EFNA5: variants seen among roughly 807,000 people sequenced by gnomAD.
The protein encoded by EFNA5 is ephrin-A5.
EFNA5 carries 5 observed loss-of-function variants against 22.9 expected under a neutral mutation model. That is an observed-to-expected ratio of 0.22 (90% CI 0.11 to 0.46). EFNA5 has a LOEUF of 0.46. EFNA5 is among the 20% of genes least tolerant of loss of function. The probability of loss-of-function intolerance (pLI) is 0.99; values close to 1 mark genes in which losing one functional copy is unlikely to be tolerated. For missense variants in EFNA5, 237 were observed against 293.3 expected (o/e 0.81, Z 1.40); for synonymous variants, 113 against 112.2 (o/e 1.01, Z -0.04).
intron 1 of EFNA5, among the ~76,000 whole-genome samples, chr5:107,484,488 T>G (rs965425114): frequency 6.6e-6 from 1 of 152,212 alleles, no homozygotes; most frequent in African/African-American, 2.4e-5. Context: ...GTTGGCACAC[T>G]GGAATTAGAG....
rs1184378347 is a variant in EFNA5 at position 107,378,939 on chromosome 5, T to A, written c.*2316A>T. 1 of 152,062 alleles carries A rather than the reference T, an allele frequency of 6.6e-6. No homozygotes were observed. Among genetic ancestry groups the A allele is most frequent in the Non-Finnish European group, 1.5e-5 (1 of 68,024 alleles). 9.4% of individuals were successfully genotyped at this position (152,062 alleles called of 1,614,324 possible). The stretch of plus-strand genomic sequence containing the variant: ...TTCTATTGATCCATTTTAGAAGGTA[T>A]CTTTCTCCCCCTACCCAAATCCCAC... On this transcript the variant is annotated 3_prime_UTR_variant, in exon 5 of 5. Coordinates refer to ENST00000333274, the MANE Select transcript of EFNA5 (RefSeq NM_001962.3).
chr5:107,450,090 T>A lies in EFNA5; in HGVS notation c.126-22581A>T, dbSNP rs184437006. 1.2e-3 allele frequency among the ~76,000 whole-genome samples: 186 copies of A among 152,336 alleles called. 2 individuals carry two copies. Among genetic ancestry groups the A allele is most frequent in the African/African-American group, 4.4e-3 (181 of 41,576 alleles). On this transcript the variant is annotated intron_variant, in intron 1 of 4. Transcript: ENST00000333274. ...TGGGTTATTTTTGCCAAAAAATTTG[T>A]ATTAACGACGGCAGAAAGCCGTGAA... is the stretch of plus-strand genomic sequence containing the variant.
intron 1 of EFNA5, among the ~76,000 whole-genome samples, chr5:107,655,464 T>C (rs950527533): frequency 1.3e-5 from 2 of 152,168 alleles, no homozygotes; most frequent in African/African-American, 4.8e-5. Flanking sequence ...TTCTTTCAAA[T>C]AATTTTGGTA....
chr5:107,576,820 G>C (rs774049662), intron 1 of EFNA5, among the ~76,000 whole-genome samples: 37 of 152,096 alleles, frequency 2.4e-4, no homozygotes, highest in Non-Finnish European at 5.0e-4. Flanking sequence ...TAGAATCTCA[G>C]AACAACTGCT....
intron 1 of EFNA5, among the ~76,000 whole-genome samples, chr5:107,597,793 T>C (rs1173845550): frequency 6.6e-6 from 1 of 152,144 alleles, no homozygotes; most frequent in Non-Finnish European, 1.5e-5. Flanking sequence ...ACGATATATA[T>C]TCAATTTTTA....
chr5:107,403,146 C>T (rs1224684334), intron 2 of EFNA5, among the ~76,000 whole-genome samples: 1 of 152,168 alleles, frequency 6.6e-6, no homozygotes, highest in Non-Finnish European at 1.5e-5. Context: ...TGAACCACGC[C>T]AGTCTCCAGA....
intron 1 of EFNA5, among the ~76,000 whole-genome samples, chr5:107,614,408 C>T (rs914041970): frequency 1.3e-5 from 2 of 151,990 alleles, no homozygotes; most frequent in African/African-American, 4.8e-5. Context: ...CAAAGTATTA[C>T]CTTATGTAAA....
intron 1 of EFNA5, among the ~76,000 whole-genome samples, chr5:107,473,894 C>G (rs562900634): frequency 6.6e-6 from 1 of 152,026 alleles, no homozygotes; most frequent in Non-Finnish European, 1.5e-5. Flanking sequence ...CTCCTGACCT[C>G]GTGATCCGCC....
rs146490590 is a variant in EFNA5, at chr5:107,599,397, A to T, written c.125+71092T>A. Among the ~76,000 whole-genome samples the T allele has an allele frequency of 2.4e-3, 356 of 150,694 alleles. 1 individual carries two copies. Among genetic ancestry groups the T allele is most frequent in the African/African-American group, 8.2e-3 (341 of 41,520 alleles). Reference sequence around the variant, plus strand: ...ATATGGTTTAAGTAAGAAAGTAGGGATTATAAAACATATATTTGCATATGC... The same window carrying T: ...ATATGGTTTAAGTAAGAAAGTAGGGTTTATAAAACATATATTTGCATATGC... On this transcript the variant is annotated intron_variant, in intron 1 of 4. Coordinates refer to ENST00000333274, the MANE Select transcript of EFNA5 (RefSeq NM_001962.3).
intron 1 of EFNA5, among the ~76,000 whole-genome samples, chr5:107,483,439 G>A (rs1052018369): frequency 6.6e-6 from 1 of 152,074 alleles, no homozygotes; most frequent in South Asian, 2.1e-4. Context: ...TGCTGTATCC[G>A]TCTCGGATTC....
intron 1 of EFNA5, among the ~76,000 whole-genome samples, chr5:107,520,051 A>C (rs1747561962): frequency 6.6e-6 from 1 of 152,148 alleles, no homozygotes; most frequent in Non-Finnish European, 1.5e-5. Flanking sequence ...GAACCATCTC[A>C]GGGCTTACGG....
intron 1 of EFNA5, among the ~76,000 whole-genome samples, chr5:107,541,693 GA>G (rs1427955840): frequency 6.6e-6 from 1 of 151,948 alleles, no homozygotes; most frequent in Non-Finnish European, 1.5e-5. Context: ...CTGAAATGAG[GA>G]AAAAAAATTT....
intron 1 of EFNA5, among the ~76,000 whole-genome samples, chr5:107,548,489 G>GC (rs1386910065): frequency 6.6e-6 from 1 of 152,110 alleles, no homozygotes; most frequent in East Asian, 1.9e-4. Context: ...CCTTCAGATA[G>GC]TTTTTTTGCA....
intron 1 of EFNA5, among the ~76,000 whole-genome samples, chr5:107,607,212 G>T (rs1749742056): frequency 6.6e-6 from 1 of 152,168 alleles, no homozygotes; most frequent in Admixed American, 6.5e-5. Flanking sequence ...TTCTGAACCA[G>T]ACTGCTATGA....
intron 1 of EFNA5, among the ~76,000 whole-genome samples, chr5:107,657,603 T>C (rs751144291): frequency 2.6e-4 from 40 of 152,162 alleles, no homozygotes; most frequent in Non-Finnish European, 4.4e-4. Flanking sequence ...TGTTTTAAAA[T>C]TAACTATCAA....
At chr5:107,481,624 G>T (rs25964) in intron 1 of EFNA5, among the ~76,000 whole-genome samples, 18,654 of 151,984 alleles carry the variant, frequency 0.12, 1,825 homozygotes, top group East Asian at 0.3. Context: ...GGCCAAGGTG[G>T]GTGGATCACA....
chr5:107,463,092 C>T (rs1232267239), intron 1 of EFNA5, among the ~76,000 whole-genome samples: 2 of 152,116 alleles, frequency 1.3e-5, no homozygotes, highest in Non-Finnish European at 2.9e-5. Flanking sequence ...GAGGCAAGGG[C>T]AGCTCCAGTT....
At chr5:107,490,931 G>A (rs141963607) in intron 1 of EFNA5, among the ~76,000 whole-genome samples, 12 of 152,254 alleles carry the variant, frequency 7.9e-5, no homozygotes, top group Non-Finnish European at 1.8e-4. Flanking sequence ...AACAAGATGA[G>A]GTTTCATTAA....
At position 107,583,759 on chromosome 5, in the gene EFNA5, G is replaced by A. The variant is rs188333659; in HGVS notation, c.125+86730C>T. Reference sequence around the variant, plus strand: ...CTTACTTATAACAAGTACTTTATATGGAATTAGACAGCTCTTACCCATTAG... The same window carrying A: ...CTTACTTATAACAAGTACTTTATATAGAATTAGACAGCTCTTACCCATTAG... On this transcript the variant is annotated intron_variant, in intron 1 of 4. Transcript: ENST00000333274. Among the ~76,000 whole-genome samples the A allele has an allele frequency of 6.6e-5, 10 of 152,248 alleles. No homozygotes were observed. In the East Asian group the frequency reaches 1.9e-3, roughly 29 times the overall value.
Sources: allele counts gnomAD v4.1 joint callset (sites outside exome capture counted in the v4.1 genomes callset), GRCh38; gene constraint gnomAD v4.1.1; transcripts MANE v1.5; gene names NCBI Gene and HGNC (gene_info 2026-07-23, HGNC 2026-07-21).